IQCH: variants seen among roughly 807,000 people sequenced by gnomAD.
IQCH encodes the protein IQ motif containing H.
A neutral mutation model predicts 117.0 loss-of-function variants in IQCH; 98 were observed. That is an observed-to-expected ratio of 0.84 (90% CI 0.71 to 0.99). The LOEUF (loss-of-function observed/expected upper bound fraction) is 0.99. Ranked by LOEUF, IQCH falls within the 50% of genes least tolerant of loss-of-function variation. The pLI, the probability that IQCH is intolerant of heterozygous loss-of-function variation, is 0.00. For synonymous variants in IQCH, 412 were observed against 448.2 expected, an observed-to-expected ratio of 0.92 and a Z score of 1.02; for missense variants, 1,102 against 1,243.8, an observed-to-expected ratio of 0.89 and a Z score of 1.72.
chr15:67,491,587 C>G lies in IQCH; in HGVS notation c.2861+1523C>G, dbSNP rs751362841. 6.6e-6 allele frequency among the ~76,000 whole-genome samples: 1 copy of G among 152,088 alleles called. No individual in the cohort carries two copies. The highest frequency in any genetic ancestry group is 2.4e-5 in the African/African-American group (1 of 41,408). On this transcript the variant is annotated intron_variant, in intron 19 of 20. Coordinates refer to ENST00000335894, the MANE Select transcript of IQCH (RefSeq NM_001031715.3). This position sits in a 1 kb window ranked among gnomAD's most constrained non-coding sequence, Gnocchi z 4.9. ...TTGGGTCTTGTTAAGAAAGTCACTT[C>G]CCTAGGGACTCTTCACCCATTTGTC...
chr15:67,345,459 C>A (rs571482517), intron 6 of IQCH, among the ~76,000 whole-genome samples: 3 of 152,284 alleles, frequency 2.0e-5, no homozygotes, highest in African/African-American at 7.2e-5. Context: ...CCTGCCTTAA[C>A]CAAATGACCA....
chr15:67,421,469 C>T lies in IQCH; in HGVS notation c.2397C>T (p.Leu799=). 1.2e-6 allele frequency: 2 copies of T among 1,614,164 alleles called. No individual in the cohort carries two copies. The highest frequency in any genetic ancestry group is 1.1e-5 in the South Asian group (1 of 91,080). ...AGACCTCAGTGGATCCCCAAGTTCT[C>T]ACTTATTTGTGCCTCCAAATTGGAA... is the stretch of plus-strand genomic sequence containing the variant. ...VPQTSVDPQV[L]TYLCLQIGKA... The change falls in exon 16 of 21, where the codon CTC becomes CTT. Residue 799 remains leucine, a synonymous_variant. Coordinates refer to ENST00000335894, the MANE Select transcript of IQCH (RefSeq NM_001031715.3).
At chr15:67,317,879 CTT>C (rs1048118731) in intron 4 of IQCH, among the ~76,000 whole-genome samples, 1 of 151,464 alleles carries the variant, frequency 6.6e-6, no homozygotes, top group Non-Finnish European at 1.5e-5. Flanking sequence ...CCATCTCCTT[CTT>C]CCCACCCCCA....
At chr15:67,334,559 A>C (rs1567105018) in intron 4 of IQCH, among the ~76,000 whole-genome samples, 1 of 152,218 alleles carries the variant, frequency 6.6e-6, no homozygotes, top group East Asian at 1.9e-4. Context: ...CACTTACTGC[A>C]GTACATCTTA....
chr15:67,332,835 C>T (rs1968724960), intron 4 of IQCH, among the ~76,000 whole-genome samples: 1 of 152,132 alleles, frequency 6.6e-6, no homozygotes, highest in African/African-American at 2.4e-5. Flanking sequence ...AGCAGGGGTA[C>T]ACAAACTACT....
intron 14 of IQCH, among the ~76,000 whole-genome samples, chr15:67,414,737 C>A (rs2081534915): frequency 6.6e-6 from 1 of 151,010 alleles, no homozygotes; most frequent in South Asian, 2.1e-4. Context: ...GCTTAAAAGG[C>A]CTGACATTCT....
In IQCH at chr15:67,373,839, G is replaced by A. The variant is rs1432593347; in HGVS notation, c.1372+406G>A. The A allele has an allele frequency of 4.1e-5, 10 of 243,998 alleles. No individual in the cohort carries two copies. In the East Asian group the frequency reaches 1.3e-3, roughly 32 times the overall value. 15.1% of individuals were successfully genotyped at this position (243,998 alleles called of 1,614,324 possible). On this transcript the variant is annotated intron_variant, in intron 10 of 20. Coordinates refer to ENST00000335894, the MANE Select transcript of IQCH (RefSeq NM_001031715.3). ...GCTTGTACACTGTTTTTAATCAAAT[G>A]TGCAGTCAAAATGATAAGCTACATT...
chr15:67,325,112 TC>T (rs893603277), intron 4 of IQCH, among the ~76,000 whole-genome samples: 2 of 152,280 alleles, frequency 1.3e-5, no homozygotes, highest in East Asian at 1.9e-4. Context: ...AAATTTTTTT[TC>T]TTGTTATTCG....
intron 17 of IQCH, among the ~76,000 whole-genome samples, chr15:67,468,746 T>C (rs1367226863): frequency 6.6e-6 from 1 of 152,230 alleles, no homozygotes; most frequent in East Asian, 1.9e-4. Flanking sequence ...CATTCATTTA[T>C]TTGTGGTCCC....
intron 10 of IQCH, among the ~76,000 whole-genome samples, chr15:67,375,297 C>T (rs763022777): frequency 2.6e-5 from 4 of 152,152 alleles, no homozygotes; most frequent in African/African-American, 4.8e-5. Context: ...CATGGTGGCG[C>T]AGGCCTGTAG....
chr15:67,469,465 C>A (rs996436584), intron 17 of IQCH, among the ~76,000 whole-genome samples: 1 of 152,150 alleles, frequency 6.6e-6, no homozygotes, highest in Non-Finnish European at 1.5e-5. Context: ...CTACAGCCTT[C>A]GCTTAAAAGG....
intron 1 of IQCH, among the ~76,000 whole-genome samples, chr15:67,260,436 A>G (rs1188442676): frequency 6.6e-6 from 1 of 152,230 alleles, no homozygotes; most frequent in African/African-American, 2.4e-5. Context: ...ATAAAACAAA[A>G]TCAAGGTCAA....
intron 6 of IQCH, among the ~76,000 whole-genome samples, chr15:67,345,448 C>A (rs928489798): frequency 6.6e-6 from 1 of 152,154 alleles, no homozygotes; most frequent in African/African-American, 2.4e-5. Flanking sequence ...AACCTGCAAA[C>A]CCTGCCTTAA....
At chr15:67,336,841 TA>T in intron 4 of IQCH, 133 bp from the exon 5 acceptor site, 1 of 780,364 alleles carries the variant, frequency 1.3e-6, no homozygotes, top group Non-Finnish European at 2.0e-6. Context: ...TCATGAGCAA[TA>T]AAATTGGAGC....
At chr15:67,319,663 C>G (rs1968019827) in intron 4 of IQCH, among the ~76,000 whole-genome samples, 1 of 152,182 alleles carries the variant, frequency 6.6e-6, no homozygotes, top group African/African-American at 2.4e-5. Flanking sequence ...TCTATATATG[C>G]AACAAAATAT....
intron 4 of IQCH, among the ~76,000 whole-genome samples, chr15:67,307,601 A>G (rs1333394271): frequency 6.6e-6 from 1 of 152,156 alleles, no homozygotes; most frequent in Non-Finnish European, 1.5e-5. Flanking sequence ...TACAGTCACA[A>G]CATAATTTGG....
At chr15:67,418,462 C>T (rs953853543) in intron 15 of IQCH, among the ~76,000 whole-genome samples, 43 of 144,806 alleles carry the variant, frequency 3.0e-4, no homozygotes, top group African/African-American at 1.1e-3. Context: ...CACTGATAGA[C>T]AAGTAAGGAA....
Position 67,404,573 on chromosome 15 carries a change from T to C in IQCH, c.2097+4268T>C, listed in dbSNP as rs1971808570. 6.6e-6 allele frequency: 1 copy of C among 152,246 alleles called. No homozygotes were observed. The allele number at this position is 152,246 out of a possible 1,614,324, so 9.4% of individuals were successfully genotyped here. ...CTGTCCCCAAACATAGTTGTTTTCA[T>C]TTTTGTATATTAATTTCTAAATATG... On this transcript the variant is annotated intron_variant, in intron 14 of 20. Coordinates refer to ENST00000335894, the MANE Select transcript of IQCH (RefSeq NM_001031715.3). The surrounding 1 kb of genome is among the most constrained non-coding windows in gnomAD (Gnocchi z 4.6).
Position 67,454,324 on chromosome 15 carries a change from C to T in IQCH, c.2506-10803C>T, listed in dbSNP as rs943844694. On this transcript the variant is annotated intron_variant, in intron 16 of 20. Coordinates refer to ENST00000335894, the MANE Select transcript of IQCH (RefSeq NM_001031715.3). The surrounding 1 kb of genome is among the most constrained non-coding windows in gnomAD (Gnocchi z 5.2). ...AATCACCCGTCTTCTGCGTCGCTCA[C>T]GCTGGGAGCTGTAGACCGGAGCTGT... 5.3e-5 allele frequency among the ~76,000 whole-genome samples: 8 copies of T among 152,242 alleles called. No individual in the cohort carries two copies. Among genetic ancestry groups the T allele is most frequent in the Non-Finnish European group, 8.8e-5 (6 of 68,036 alleles).
Sources: gnomAD v4.1 joint callset for allele counts (sites outside exome capture counted in the v4.1 genomes callset) on GRCh38, gnomAD v4.1.1 for gene constraint, Gnocchi (gnomAD v3.1) non-coding constraint, MANE v1.5 for transcripts, NCBI Gene and HGNC (gene_info 2026-07-23, HGNC 2026-07-21) for gene names.